Variants in MED12L observed in about 807,000 individuals in gnomAD.
The protein encoded by MED12L is mediator complex subunit 12L, also known as mediator of RNA polymerase II transcription subunit 12-like protein.
Under a neutral mutation model 281.3 loss-of-function variants are expected in MED12L, and 60 were observed. The observed-to-expected ratio is 0.21, with a 90% CI of 0.17 to 0.26. The LOEUF is 0.26. Among genes scored for constraint, MED12L ranks in the 10% least tolerant of loss-of-function variants. The pLI is 1.00. For synonymous variants in MED12L, 974 were observed against 987.2 expected, an observed-to-expected ratio of 0.99 and a Z score of 0.25; for missense variants, 2,146 against 2,680.9, an observed-to-expected ratio of 0.80 and a Z score of 4.41.
chr3:151,152,467 T>C (rs1211308008), intron 5 of MED12L, among the ~76,000 whole-genome samples: 1 of 152,154 alleles, frequency 6.6e-6, no homozygotes, highest in Non-Finnish European at 1.5e-5. Flanking sequence ...GAGCATTGCC[T>C]GGATTATATT....
At chr3:151,409,656 G>C (rs1177233020) in intron 40 of MED12L, among the ~76,000 whole-genome samples, 1 of 152,126 alleles carries the variant, frequency 6.6e-6, no homozygotes, top group Non-Finnish European at 1.5e-5. Flanking sequence ...ATGTAATTCA[G>C]TTTTGAAGTC....
intron 5 of MED12L, among the ~76,000 whole-genome samples, chr3:151,143,095 C>T (rs137931952): frequency 3.0e-3 from 458 of 152,314 alleles, no homozygotes; most frequent in African/African-American, 5.6e-3. Context: ...CCAGAAAAAT[C>T]ACACAGGAGT....
intron 39 of MED12L, among the ~76,000 whole-genome samples, chr3:151,396,922 A>T (rs745400435): frequency 6.6e-5 from 10 of 152,180 alleles, no homozygotes; most frequent in Non-Finnish European, 1.5e-4. Flanking sequence ...AATAATCTAC[A>T]TGTAATCAAA....
At chr3:151,193,465 C>T (rs1724246080) in intron 15 of MED12L, 25 bp from the exon 16 acceptor site, 1 of 1,597,812 alleles carries the variant, frequency 6.3e-7, no homozygotes, top group African/African-American at 1.3e-5. Context: ...TTTACAATCT[C>T]CAACATTTGT....
At chr3:151,118,265 C>T (rs1366013405) in intron 3 of MED12L, among the ~76,000 whole-genome samples, 1 of 152,034 alleles carries the variant, frequency 6.6e-6, no homozygotes. Context: ...TATTTCCTTT[C>T]CCTTCTCCAG....
Position 151,413,265 on chromosome 3 carries a change from G to T in MED12L, c.6267G>T (p.Pro2089=). The T allele has an allele frequency of 1.9e-6, 3 of 1,614,082 alleles. No individual in the cohort carries two copies. Among genetic ancestry groups the T allele is most frequent in the Non-Finnish European group, 2.5e-6 (3 of 1,179,958 alleles). Residue 2089 remains proline (P), a synonymous_variant, in exon 42 of 45, where the codon CCG becomes CCT. Transcript: ENST00000687756. ...AGGATCCCATGAGACCCAGACAGCC[G>T]CAAGTTCGACAGCAGCAGAGACTCC... ...LPQDPMRPRQ[P]QVRQQQRLLQ...
intron 39 of MED12L, among the ~76,000 whole-genome samples, chr3:151,404,814 T>G (rs760309938): frequency 6.6e-6 from 1 of 152,196 alleles, no homozygotes; most frequent in Non-Finnish European, 1.5e-5. Flanking sequence ...GATAGGAAAC[T>G]CCTGATTCTA....
At chr3:151,363,762 A>G (rs1400837655) in intron 21 of MED12L, among the ~76,000 whole-genome samples, 1 of 152,180 alleles carries the variant, frequency 6.6e-6, no homozygotes, top group Non-Finnish European at 1.5e-5. Flanking sequence ...CTTGTTACAC[A>G]TACGGACTCT....
rs1016179924 is a variant in MED12L, at chr3:151,317,346, C to T, written c.2251-32713C>T. 3.3e-5 allele frequency among the ~76,000 whole-genome samples: 5 copies of T among 149,284 alleles called. No individual in the cohort carries two copies. In the East Asian group the frequency reaches 6.0e-4, roughly 18 times the overall value. On this transcript the variant is annotated intron_variant, in intron 16 of 44. Transcript: ENST00000687756. ...ATTATTCAGGGGCTGGGTTCACTGA[C>T]TCCTTTGAATGCTGACCTTTAACAT...
intron 5 of MED12L, among the ~76,000 whole-genome samples, chr3:151,143,504 G>A (rs1717336067): frequency 6.6e-6 from 1 of 152,216 alleles, no homozygotes; most frequent in South Asian, 2.1e-4. Flanking sequence ...GAGGAGGTGA[G>A]GGTCGTGAAA....
intron 16 of MED12L, among the ~76,000 whole-genome samples, chr3:151,280,767 C>T (rs908566722): frequency 2.0e-5 from 3 of 151,814 alleles, no homozygotes; most frequent in Non-Finnish European, 4.4e-5. Flanking sequence ...CTCAAATGCA[C>T]ATACTCGTAC....
chr3:151,153,258 A>G (rs946214276), intron 5 of MED12L, among the ~76,000 whole-genome samples: 1 of 152,216 alleles, frequency 6.6e-6, no homozygotes, highest in Non-Finnish European at 1.5e-5. Flanking sequence ...TAGTGGTTCC[A>G]GAATTCTGGA....
chr3:151,213,245 G>A, intron 16 of MED12L: 2 of 1,308,654 alleles, frequency 1.5e-6, no homozygotes, highest in Non-Finnish European at 2.1e-6. Context: ...TTTCTGTTAT[G>A]TAATTGAAGA....
intron 3 of MED12L, among the ~76,000 whole-genome samples, chr3:151,122,349 A>G (rs1161426149): frequency 6.6e-6 from 1 of 152,208 alleles, no homozygotes; most frequent in Non-Finnish European, 1.5e-5. Flanking sequence ...TCCAAAAATA[A>G]GTGCTATTAA....
chr3:151,430,565 C>G (rs892561871), intron 44 of MED12L, among the ~76,000 whole-genome samples, 185 bp downstream of exon 44: 1 of 151,372 alleles, frequency 6.6e-6, no homozygotes, highest in Non-Finnish European at 1.5e-5. Context: ...TGCTTCCTTT[C>G]CTGGGAAAGC....
intron 5 of MED12L, among the ~76,000 whole-genome samples, chr3:151,136,001 T>C (rs553373716): frequency 1.3e-5 from 2 of 152,310 alleles, no homozygotes; most frequent in South Asian, 4.1e-4. Flanking sequence ...CTTAAAATGC[T>C]TCGTGGTTAA....
chr3:151,427,472 C>CA (rs1285240912), intron 43 of MED12L, among the ~76,000 whole-genome samples: 1 of 152,104 alleles, frequency 6.6e-6, no homozygotes, highest in Non-Finnish European at 1.5e-5. Context: ...TTAGGCTCTG[C>CA]AAAATATAGT....
In MED12L at chr3:151,365,042, G is replaced by A. The variant is rs760794855; in HGVS notation, c.3021G>A (p.Leu1007=). The change falls in exon 22 of 45, where the codon TTG becomes TTA. Residue 1007 remains leucine (L), a synonymous_variant. Coordinates refer to ENST00000687756, the MANE Select transcript of MED12L (RefSeq NM_001393769.1). The part of the protein sequence containing the change: ...YNNVMPANSN[L]RWDPDFMMDF... ...ACGTGATGCCTGCAAATTCGAACTT[G>A]CGATGGGATCCAGACTTCATGATGG... The A allele has an allele frequency of 1.9e-5, 30 of 1,613,960 alleles. No individual in the cohort carries two copies. The Admixed American group carries it at 4.2e-4, about 22-fold the overall frequency.
At chr3:151,343,502 C>G (rs1752136139) in intron 16 of MED12L, among the ~76,000 whole-genome samples, 1 of 152,158 alleles carries the variant, frequency 6.6e-6, no homozygotes, top group Non-Finnish European at 1.5e-5. Flanking sequence ...GCCAGTTAGA[C>G]CACTTAATGC....
Sources: allele counts gnomAD v4.1 joint callset (sites outside exome capture counted in the v4.1 genomes callset), GRCh38; gene constraint gnomAD v4.1.1; transcripts MANE v1.5; gene names NCBI Gene and HGNC (gene_info 2026-07-23, HGNC 2026-07-21).